Variants in PDZD2 observed in about 807,000 individuals in gnomAD.
PDZD2 encodes the protein PDZ domain containing 2, also known as PDZ domain-containing protein 2.
Under a neutral mutation model 220.7 loss-of-function variants are expected in PDZD2, and 90 were observed. The ratio of observed to expected loss-of-function variants is 0.41; its 90% CI spans 0.34 to 0.49. The LOEUF (loss-of-function observed/expected upper bound fraction) is 0.49. Among genes scored for constraint, PDZD2 ranks in the 20% least tolerant of loss-of-function variants. The pLI is 0.28. For missense variants in PDZD2, 3,174 were observed against 3,608.5 expected (o/e 0.88, Z 3.08); for synonymous variants, 1,375 against 1,450.5 (o/e 0.95, Z 1.18).
intron 3 of PDZD2, among the ~76,000 whole-genome samples, chr5:31,987,019 A>C (rs564089182): frequency 2.6e-5 from 3 of 116,838 alleles, no homozygotes; most frequent in African/African-American, 9.8e-5. Context: ...TAAAAAGACA[A>C]AGTTGGGTTT....
At chr5:31,918,817 T>A (rs1743909703) in intron 2 of PDZD2, among the ~76,000 whole-genome samples, 1 of 152,170 alleles carries the variant, frequency 6.6e-6, no homozygotes, top group South Asian at 2.1e-4. Context: ...TTTTCTGTGC[T>A]ACTCCAAGAG....
chr5:31,792,569 G>A (rs547064910), intron 1 of PDZD2, among the ~76,000 whole-genome samples: 560 of 152,126 alleles, frequency 3.7e-3, no homozygotes, highest in African/African-American at 6.9e-3. Context: ...ACAGGTGCAT[G>A]CCACCATGCC....
Position 32,021,015 on chromosome 5 carries a change from C to A in PDZD2, c.1407+10533C>A, listed in dbSNP as rs555770075. 7.2e-5 allele frequency among the ~76,000 whole-genome samples: 11 copies of A among 151,886 alleles called. No individual in the cohort carries two copies. In the East Asian group the frequency reaches 1.2e-3, roughly 16 times the overall value. On this transcript the variant is annotated intron_variant, in intron 6 of 24. Coordinates refer to ENST00000438447, the MANE Select transcript of PDZD2 (RefSeq NM_178140.4). ...GCATTGGGTGCCGGGGGGAAAAAAA[C>A]CCCACCTTACTTAAAGACTTCATGT...
At chr5:31,748,681 G>A (rs1321274451) in intron 1 of PDZD2, among the ~76,000 whole-genome samples, 2 of 152,226 alleles carry the variant, frequency 1.3e-5, no homozygotes, top group African/African-American at 2.4e-5. Flanking sequence ...AAAAGGAGAT[G>A]AAATTTAAAT....
chr5:31,873,917 A>G (rs1008287955), intron 2 of PDZD2, among the ~76,000 whole-genome samples: 2 of 151,290 alleles, frequency 1.3e-5, no homozygotes, highest in Non-Finnish European at 2.9e-5. Flanking sequence ...TTTAGTAGAG[A>G]TGGGGTTTCT....
rs1229147275 is a variant in PDZD2 at position 32,089,551 on chromosome 5, C to T, written c.6103C>T (p.Pro2035Ser). 6.2e-7 allele frequency: 1 copy of T among 1,612,096 alleles called. No homozygotes were observed. The highest frequency in any genetic ancestry group is 1.7e-5 in the Admixed American group (1 of 60,022). The change falls in exon 20 of 25, where the codon CCG (proline) becomes TCG (serine). Residue 2035 changes from proline to serine, a missense_variant. By Grantham distance (74) the Pro-to-Ser change is moderately conservative (BLOSUM62 -1). Around this residue, in one of 4 missense-constraint regions of PDZD2, gnomAD observed 1,861 missense variants for 2,001.0 expected, o/e 0.93. Transcript: ENST00000438447. ...CAGGGCGCCCCGTGCTGACTCCGGG[C>T]CGGTGAGTCCGGCAGCGTCTAGGAA... ...EGRAPRADSG[P>S]VSPAASRNGM...
At chr5:31,824,345 A>G (rs954470936) in intron 2 of PDZD2, among the ~76,000 whole-genome samples, 4 of 151,662 alleles carry the variant, frequency 2.6e-5, no homozygotes, top group Non-Finnish European at 5.9e-5. Flanking sequence ...TAGCAATAGA[A>G]AACAAATATA....
At chr5:31,793,432 A>G (rs74543416) in intron 1 of PDZD2, among the ~76,000 whole-genome samples, 9,209 of 152,250 alleles carry the variant, frequency 0.06, 344 homozygotes, top group Non-Finnish European at 0.088. Context: ...ACCTTCCCAC[A>G]GATATTCTTG....
At chr5:31,864,878 T>C (rs977015034) in intron 2 of PDZD2, among the ~76,000 whole-genome samples, 4 of 129,112 alleles carry the variant, frequency 3.1e-5, no homozygotes, top group African/African-American at 1.2e-4. Flanking sequence ...AGACGGAGTC[T>C]CGCTCTGTCG....
intron 14 of PDZD2, among the ~76,000 whole-genome samples, chr5:32,061,540 A>C (rs913080669): frequency 4.6e-5 from 7 of 152,162 alleles, no homozygotes; most frequent in Non-Finnish European, 1.0e-4. Flanking sequence ...TATGTTGGGA[A>C]TTCTCTCATC....
rs139895583 is a variant in PDZD2, at chr5:31,656,090, T to G, written c.-361+16653T>G. On this transcript the variant is annotated intron_variant, in intron 1 of 24. Transcript: ENST00000438447. ...AGAGTCGAGTGTGTTCTTTGTTAAT[T>G]TCCCAGTTGAGCATCCGACTTTTGT... Among the ~76,000 whole-genome samples the G allele has an allele frequency of 2.0e-5, 3 of 152,320 alleles. No homozygotes were observed. The East Asian group carries it at 5.8e-4, about 29-fold the overall frequency.
In PDZD2 at chr5:31,925,678, G is replaced by C. The variant is rs145287968; in HGVS notation, c.477-57477G>C. Among the ~76,000 whole-genome samples, 1,008 of 151,612 alleles carry C rather than the reference G, an allele frequency of 6.6e-3. 12 individuals are homozygous for C. Among genetic ancestry groups the C allele is most frequent in the African/African-American group, 0.023 (968 of 41,382 alleles). On this transcript the variant is annotated intron_variant, in intron 2 of 24. Coordinates refer to ENST00000438447, the MANE Select transcript of PDZD2 (RefSeq NM_178140.4). ...CCACAGAGTAAACAGACAACCCACG[G>C]AATGGGATAAAATATTTGCAAACTC...
chr5:31,656,013 A>C (rs1390023771), intron 1 of PDZD2, among the ~76,000 whole-genome samples: 1 of 152,190 alleles, frequency 6.6e-6, no homozygotes, highest in African/African-American at 2.4e-5. Flanking sequence ...ACATTCTTCC[A>C]TTTATGAAAC....
chr5:31,817,189 A>G lies in PDZD2; in HGVS notation c.476+17465A>G, dbSNP rs552359430. On this transcript the variant is annotated intron_variant, in intron 2 of 24. Transcript: ENST00000438447. Reference sequence around the variant, plus strand: ...CGACAGAGTGAGACTCCGTCTCAAAAAAAAAAAAAAAAAGCAACATCCAAC... The same window carrying G: ...CGACAGAGTGAGACTCCGTCTCAAAGAAAAAAAAAAAAAGCAACATCCAAC... Among the ~76,000 whole-genome samples the G allele has an allele frequency of 2.6e-4, 39 of 150,010 alleles. 1 individual carries two copies. The South Asian group carries it at 8.1e-3, about 31-fold the overall frequency.
intron 19 of PDZD2, among the ~76,000 whole-genome samples, chr5:32,079,421 G>A (rs1407530345): frequency 6.6e-6 from 1 of 151,900 alleles, no homozygotes; most frequent in African/African-American, 2.4e-5. Flanking sequence ...TCGGCTGGTT[G>A]TTACTGTCTC....
intron 12 of PDZD2, 150 bp from the exon 13 acceptor site, chr5:32,059,089 G>A (rs1739420904): frequency 3.5e-6 from 2 of 577,356 alleles, no homozygotes; most frequent in Non-Finnish European, 6.1e-6. Flanking sequence ...GTGTTGACAA[G>A]GAAAAGCTGG....
intron 2 of PDZD2, among the ~76,000 whole-genome samples, chr5:31,935,795 G>T (rs993376332): frequency 2.6e-5 from 4 of 152,142 alleles, no homozygotes; most frequent in Admixed American, 1.3e-4. Flanking sequence ...GTTTTCTCCT[G>T]CCTGAAATCT....
At chr5:31,903,031 T>C (rs1017873270) in intron 2 of PDZD2, among the ~76,000 whole-genome samples, 17 of 151,946 alleles carry the variant, frequency 1.1e-4, no homozygotes, top group African/African-American at 4.1e-4. Flanking sequence ...GTCCTACAAC[T>C]TGAAAGTAAA....
chr5:32,020,642 C>CTT (rs11459649), intron 6 of PDZD2, among the ~76,000 whole-genome samples: 198 of 146,116 alleles, frequency 1.4e-3, no homozygotes, highest in Middle Eastern at 3.6e-3. Context: ...ACAAAATGAT[C>CTT]TTTTTTTTTT....
Sources: allele counts gnomAD v4.1 joint callset (sites outside exome capture counted in the v4.1 genomes callset), GRCh38; gene constraint gnomAD v4.1.1; regional missense constraint gnomAD v4.1.1; transcripts MANE v1.5; gene names NCBI Gene and HGNC (gene_info 2026-07-23, HGNC 2026-07-21).